ROBO2: variants seen among roughly 807,000 people sequenced by gnomAD.
ROBO2 encodes the protein roundabout guidance receptor 2.
In ROBO2, 53 loss-of-function variants were observed where a neutral mutation model predicts 160.8. The ratio of observed to expected loss-of-function variants is 0.33; its 90% CI spans 0.26 to 0.41. The LOEUF is 0.41. ROBO2 is among the 10% of genes least tolerant of loss of function. ROBO2 has a pLI of 1.00. For synonymous variants in ROBO2, 664 were observed against 611.7 expected, an observed-to-expected ratio of 1.09 and a Z score of -1.26; for missense variants, 1,577 against 1,722.4, an observed-to-expected ratio of 0.92 and a Z score of 1.49.
At chr3:76,204,389 A>G (rs992737204) in intron 2 of ROBO2, among the ~76,000 whole-genome samples, 21 of 152,278 alleles carry the variant, frequency 1.4e-4, no homozygotes, top group African/African-American at 5.1e-4. Flanking sequence ...GTCAAATACC[A>G]TTAACTTACA....
chr3:77,613,334 T>C (rs2094693464), intron 21 of ROBO2, among the ~76,000 whole-genome samples: 1 of 152,180 alleles, frequency 6.6e-6, no homozygotes, highest in Admixed American at 6.5e-5. Flanking sequence ...CTATTTCCAT[T>C]TGAAAAATTG....
chr3:76,238,090 G>C (rs867850897), intron 2 of ROBO2, among the ~76,000 whole-genome samples: 6 of 152,136 alleles, frequency 3.9e-5, no homozygotes, highest in South Asian at 2.1e-4. Flanking sequence ...ACATGAAATG[G>C]ACTTTTTGAC....
intron 2 of ROBO2, among the ~76,000 whole-genome samples, chr3:77,473,396 C>T (rs572035277): frequency 6.7e-6 from 1 of 149,286 alleles, no homozygotes; most frequent in East Asian, 2.0e-4. Flanking sequence ...GTGCAAGCTT[C>T]CGGCTTGCTT....
intron 2 of ROBO2, among the ~76,000 whole-genome samples, chr3:76,201,016 G>A (rs1702498956): frequency 6.6e-6 from 1 of 151,572 alleles, no homozygotes; most frequent in African/African-American, 2.4e-5. Context: ...ACATTCGTAG[G>A]GTTTGAATTA....
chr3:77,568,972 A>G (rs1559632594), intron 13 of ROBO2, among the ~76,000 whole-genome samples: 3 of 152,024 alleles, frequency 2.0e-5, no homozygotes, highest in African/African-American at 7.2e-5. Flanking sequence ...TCCATGTGGT[A>G]GCGCGTATCA....
chr3:77,433,477 T>C (rs2078980116), intron 2 of ROBO2, among the ~76,000 whole-genome samples: 1 of 132,832 alleles, frequency 7.5e-6, no homozygotes, highest in South Asian at 2.5e-4. Context: ...CCTTCTTCTC[T>C]GGCAACTTGT....
intron 2 of ROBO2, among the ~76,000 whole-genome samples, chr3:76,875,863 AG>A (rs748975698): frequency 2.7e-4 from 41 of 152,052 alleles, no homozygotes; most frequent in Non-Finnish European, 5.4e-4. Context: ...CATGTTGACC[AG>A]GCTGGTCTTG....
intron 2 of ROBO2, among the ~76,000 whole-genome samples, chr3:76,479,948 G>A (rs1390091777): frequency 6.6e-6 from 1 of 152,122 alleles, no homozygotes; most frequent in Middle Eastern, 3.2e-3. Flanking sequence ...AATGAAGTTG[G>A]TAATTAGTGA....
chr3:77,056,118 A>G (rs59687995), intron 1 of ROBO2, among the ~76,000 whole-genome samples: 12,468 of 152,246 alleles, frequency 0.082, 660 homozygotes, highest in East Asian at 0.17. Context: ...TTGTGAAACC[A>G]CACTCAGTCT....
At chr3:76,667,321 T>C (rs958092561) in intron 2 of ROBO2, among the ~76,000 whole-genome samples, 1 of 152,160 alleles carries the variant, frequency 6.6e-6, no homozygotes, top group Non-Finnish European at 1.5e-5. Flanking sequence ...ATACACCCAA[T>C]ATCAACAAGA....
At chr3:76,888,628 T>C (rs1403599350) in intron 2 of ROBO2, among the ~76,000 whole-genome samples, 3 of 152,182 alleles carry the variant, frequency 2.0e-5, no homozygotes, top group East Asian at 1.9e-4. Flanking sequence ...AAAAATTGTG[T>C]TATCTAGGTT....
At chr3:76,451,993 G>C (rs1210432203) in intron 2 of ROBO2, among the ~76,000 whole-genome samples, 2 of 152,062 alleles carry the variant, frequency 1.3e-5, no homozygotes, top group African/African-American at 4.8e-5. Flanking sequence ...ATAGACCAAA[G>C]TTATTTCTGT....
At chr3:76,316,833 C>T (rs1404134212) in intron 2 of ROBO2, among the ~76,000 whole-genome samples, 4 of 152,142 alleles carry the variant, frequency 2.6e-5, no homozygotes, top group Admixed American at 2.0e-4. Context: ...AATTTATGTT[C>T]CTCGGCCGCG....
chr3:77,553,728 G>T (rs923571281), intron 8 of ROBO2, among the ~76,000 whole-genome samples: 4 of 152,028 alleles, frequency 2.6e-5, no homozygotes, highest in African/African-American at 4.8e-5. Context: ...CCAGAGCAAG[G>T]CCCTAACTGT....
intron 2 of ROBO2, among the ~76,000 whole-genome samples, chr3:76,483,007 T>C (rs1009966773): frequency 1.3e-5 from 2 of 152,144 alleles, no homozygotes; most frequent in African/African-American, 4.8e-5. Flanking sequence ...TTGTCAGTAT[T>C]TAAAGTGGTA....
intron 2 of ROBO2, among the ~76,000 whole-genome samples, chr3:76,859,343 A>T (rs1045479932): frequency 1.3e-5 from 2 of 152,208 alleles, no homozygotes; most frequent in African/African-American, 2.4e-5. Context: ...CTGAAATTTT[A>T]GACACATGTA....
chr3:76,570,001 G>A lies in ROBO2; in HGVS notation c.110-528013G>A, dbSNP rs115172848. Among the ~76,000 whole-genome samples, 1,287 of 152,238 alleles carry A rather than the reference G, an allele frequency of 8.5e-3. 19 individuals carry two copies. Among genetic ancestry groups the A allele is most frequent in the African/African-American group, 0.029 (1,185 of 41,540 alleles). On this transcript the variant is annotated intron_variant, in intron 2 of 26. Coordinates refer to the ROBO2 transcript ENST00000487694. The stretch of plus-strand genomic sequence containing the variant: ...ATGATAATAATTAGCTGGGCATAGT[G>A]GGGCATGCCTGTAGTCCTAGCTACT...
In ROBO2 at chr3:76,111,511, A is replaced by G. The variant is rs148315484; in HGVS notation, c.109+173909A>G. On this transcript the variant is annotated intron_variant, in intron 2 of 26. Coordinates refer to the ROBO2 transcript ENST00000487694. ...GCCTGGCATTGTCTCACACTCCTGG[A>G]GACTCTTGTTTTCAGGCCAGCCAGT... Among the ~76,000 whole-genome samples, 17 of 152,132 alleles carry G rather than the reference A, an allele frequency of 1.1e-4. No individual in the cohort carries two copies. In the East Asian group the frequency reaches 3.3e-3, roughly 30 times the overall value.
rs2087588594 is a variant in ROBO2 at position 77,234,001 on chromosome 3, TC to T, written c.388+135663del. On this transcript the variant is annotated intron_variant, in intron 2 of 25. Transcript: ENST00000461745. ...GATTTATAAATATTCCTGAAGAAAT[TC>T]CTTGTATTTCCTAGCTGAATTAGTT... 2.0e-5 allele frequency among the ~76,000 whole-genome samples: 3 copies of T among 152,202 alleles called. No individual in the cohort carries two copies. The South Asian group carries it at 6.2e-4, about 32-fold the overall frequency.
Sources: gnomAD v4.1 joint callset for allele counts (sites outside exome capture counted in the v4.1 genomes callset) on GRCh38, gnomAD v4.1.1 for gene constraint, MANE v1.5 for transcripts, NCBI Gene and HGNC (gene_info 2026-07-23, HGNC 2026-07-21) for gene names.